The following STK4 variants were observed in gnomAD, a reference collection of about 807,000 sequenced individuals.
The protein encoded by STK4 is serine/threonine-protein kinase 4.
A neutral mutation model predicts 64.9 loss-of-function variants in STK4; 30 were observed. That is an observed-to-expected ratio of 0.46 (90% confidence interval 0.35 to 0.63). STK4 has a LOEUF of 0.63. Among genes scored for constraint, STK4 ranks in the 20% least tolerant of loss-of-function variants. The pLI, the probability that STK4 is intolerant of heterozygous loss-of-function variation, is 0.01. For synonymous variants in STK4, 177 were observed against 199.0 expected (o/e 0.89, Z 0.93); for missense variants, 466 against 598.5 (o/e 0.78, Z 2.31).
intron 10 of STK4, among the ~76,000 whole-genome samples, chr20:45,031,992 G>T (rs1156265941): frequency 6.6e-6 from 1 of 151,184 alleles, no homozygotes; most frequent in African/African-American, 2.4e-5. Flanking sequence ...ACTGTTAAAA[G>T]GTATACTTTA....
At chr20:44,984,011 G>A (rs2067485207) in intron 4 of STK4, among the ~76,000 whole-genome samples, 1 of 151,648 alleles carries the variant, frequency 6.6e-6, no homozygotes, top group African/African-American at 2.4e-5. Context: ...TTAAACATTG[G>A]ATTTCAGGGC....
rs374554742 is a variant in STK4 at position 45,046,132 on chromosome 20, G to A, written c.1305+21002G>A. Among the ~76,000 whole-genome samples the A allele has an allele frequency of 3.3e-4, 50 of 152,098 alleles. No homozygotes were observed. In the East Asian group the frequency reaches 6.2e-3, roughly 19 times the overall value. On this transcript the variant is annotated intron_variant, in intron 10 of 10. Coordinates refer to ENST00000372806, the MANE Select transcript of STK4 (RefSeq NM_006282.5). ...AGAAAATGTCATTCTAACTAAAAAGGCATTATTATTTTAAGAACATTTTTG... is the reference window on the plus strand; with the variant it reads ...AGAAAATGTCATTCTAACTAAAAAGACATTATTATTTTAAGAACATTTTTG...
intron 10 of STK4, among the ~76,000 whole-genome samples, chr20:45,034,739 C>T: frequency 6.6e-6 from 1 of 151,754 alleles, no homozygotes; most frequent in East Asian, 1.9e-4. Flanking sequence ...TAGTGAGATC[C>T]CCATCTCTAC....
At chr20:45,016,373 C>T (rs2145359585) in intron 9 of STK4, among the ~76,000 whole-genome samples, 1 of 152,286 alleles carries the variant, frequency 6.6e-6, no homozygotes, top group Middle Eastern at 3.4e-3. Context: ...CTGTGGTTCA[C>T]TGTGCATTTT....
chr20:45,074,806 T>G (rs1047758881), intron 10 of STK4, among the ~76,000 whole-genome samples: 3 of 152,152 alleles, frequency 2.0e-5, no homozygotes, highest in Admixed American at 1.3e-4. Context: ...TTAGATCTCT[T>G]CCAGGGATAA....
chr20:44,997,377 A>G, intron 7 of STK4, 71 bp downstream of exon 7: 1 of 1,518,056 alleles, frequency 6.6e-7, no homozygotes, highest in Admixed American at 2.2e-5. Flanking sequence ...CCATGAGGTC[A>G]CCTACGTGGA....
chr20:44,974,985 G>C, intron 2 of STK4: 1 of 152,262 alleles, frequency 6.6e-6, no homozygotes, highest in Middle Eastern at 3.4e-3. Flanking sequence ...GTGGAGCCTA[G>C]CACCTTTTTT....
At chr20:45,055,412 C>T (rs959089913) in intron 10 of STK4, among the ~76,000 whole-genome samples, 2 of 152,122 alleles carry the variant, frequency 1.3e-5, no homozygotes, top group Non-Finnish European at 2.9e-5. Context: ...AATTTATTGG[C>T]ATCAAGTTTC....
intron 10 of STK4, among the ~76,000 whole-genome samples, chr20:45,044,644 G>T (rs758073376): frequency 4.1e-4 from 63 of 152,152 alleles, no homozygotes; most frequent in Admixed American, 1.2e-3. Context: ...AACAGAGCAA[G>T]ATCGTGTCTC....
intron 1 of STK4, among the ~76,000 whole-genome samples, chr20:44,967,680 G>A (rs2067175086): frequency 7.1e-6 from 1 of 141,324 alleles, no homozygotes; most frequent in Admixed American, 6.9e-5. Flanking sequence ...TGGAAGTGCA[G>A]GGCAACCAAG....
chr20:44,978,248 T>C (rs572362666), intron 2 of STK4, among the ~76,000 whole-genome samples, 195 bp from the exon 3 acceptor site: 1 of 152,364 alleles, frequency 6.6e-6, no homozygotes, highest in East Asian at 1.9e-4. Context: ...TGTGAAGCTT[T>C]CAAGATGCCA....
chr20:44,982,550 AAATTTG>A lies in STK4; in HGVS notation c.360+608_360+613del, dbSNP rs548712067. The stretch of plus-strand genomic sequence containing the variant: ...GTTATAGAATGAATTTTAAATGTTT[AAATTTG>A]GATTTGGATTTGGGTTTCTGCTTCT... On this transcript the variant is annotated intron_variant, in intron 4 of 10. Coordinates refer to ENST00000372806, the MANE Select transcript of STK4 (RefSeq NM_006282.5). 1.5e-4 allele frequency among the ~76,000 whole-genome samples: 23 copies of A among 152,224 alleles called. No homozygotes were observed. In the East Asian group the frequency reaches 1.9e-3, roughly 13 times the overall value.
At chr20:45,030,694 A>T (rs1470522307) in intron 10 of STK4, among the ~76,000 whole-genome samples, 1 of 152,250 alleles carries the variant, frequency 6.6e-6, no homozygotes, top group Non-Finnish European at 1.5e-5. Flanking sequence ...ATACATAGTG[A>T]TTAAAATATA....
Position 44,978,446 on chromosome 20 carries a change from C to T in STK4, c.120C>T (p.Ser40=). The change falls in exon 3 of 11, where the codon TCC becomes TCT. Residue 40 remains serine, a synonymous_variant. Coordinates refer to ENST00000372806, the MANE Select transcript of STK4 (RefSeq NM_006282.5). ...FDVLEKLGEG[S]YGSVYKAIHK... ...TCTTCTTCTCCCAAATGTATAGGTCCTATGGCAGCGTATACAAAGCTATTC... is the reference window on the plus strand; with the variant it reads ...TCTTCTTCTCCCAAATGTATAGGTCTTATGGCAGCGTATACAAAGCTATTC... 1 of 1,613,096 alleles carries T rather than the reference C, an allele frequency of 6.2e-7. No individual in the cohort carries two copies. Among genetic ancestry groups the T allele is most frequent in the South Asian group, 1.1e-5 (1 of 90,886 alleles).
intron 10 of STK4, among the ~76,000 whole-genome samples, chr20:45,057,033 G>A (rs1305920120): frequency 6.6e-6 from 1 of 152,248 alleles, no homozygotes; most frequent in Non-Finnish European, 1.5e-5. Flanking sequence ...GTGGGTAGCA[G>A]GGTGTGGGCC....
At chr20:44,997,738 A>G (rs555315386) in intron 7 of STK4, among the ~76,000 whole-genome samples, 21 of 152,296 alleles carry the variant, frequency 1.4e-4, no homozygotes, top group African/African-American at 5.1e-4. Flanking sequence ...CTCTACCTCT[A>G]GGGAGGTTTG....
chr20:44,997,217 G>T lies in STK4; in HGVS notation c.742G>T (p.Glu248Ter). Residue 248 changes from glutamate to a stop codon, truncating the protein, a stop_gained, in exon 7 of 11, where the codon GAG becomes TAG. Transcript: ENST00000372806. LOFTEE classifies it high-confidence loss of function. ...TNPPPTFRKP[E>*]LWSDNFTDFV... ...TCCTCCTCCCACATTCCGAAAACCA[G>T]AGCTATGGTCAGATAACTTTACAGA... 1 of 1,614,032 alleles carries T rather than the reference G, an allele frequency of 6.2e-7. No individual in the cohort carries two copies. The highest frequency in any genetic ancestry group is 1.1e-5 in the South Asian group (1 of 91,078).
rs1361459034 is a variant in STK4 at position 45,076,841 on chromosome 20, TG to T, written c.*1666del. On this transcript the variant is annotated 3_prime_UTR_variant, in exon 11 of 11. Coordinates refer to ENST00000372806, the MANE Select transcript of STK4 (RefSeq NM_006282.5). The surrounding 1 kb of genome is among the most constrained non-coding windows in gnomAD (Gnocchi z 4.0). ...ATGTGCCTCTTCTGTGGCCAGATTCTGTTATTTGCAATTAAAGCAAGTTTTT... is the reference window on the plus strand; with the variant it reads ...ATGTGCCTCTTCTGTGGCCAGATTCTTTATTTGCAATTAAAGCAAGTTTTT... 2 of 152,234 alleles carry T rather than the reference TG, an allele frequency of 1.3e-5. No homozygotes were observed. The highest frequency in any genetic ancestry group is 4.8e-5 in the African/African-American group (2 of 41,462). The allele number at this position is 152,234 out of a possible 1,614,324, so 9.4% of individuals were successfully genotyped here.
At chr20:45,074,904 C>T in intron 10 of STK4, 114 bp from the exon 11 acceptor site, 2 of 1,277,214 alleles carry the variant, frequency 1.6e-6, no homozygotes, top group Non-Finnish European at 2.2e-6. Context: ...GATCTGACCA[C>T]AGTGTCTTCC....
Sources: allele counts gnomAD v4.1 joint callset (sites outside exome capture counted in the v4.1 genomes callset), GRCh38; gene constraint gnomAD v4.1.1; non-coding constraint Gnocchi (gnomAD v3.1); transcripts MANE v1.5; gene names NCBI Gene and HGNC (gene_info 2026-07-23, HGNC 2026-07-21).